The following RBFOX1 variants were observed in gnomAD, a reference collection of about 807,000 sequenced individuals.
RBFOX1 encodes the protein RNA binding protein fox-1 homolog 1.
Under a neutral mutation model 57.7 loss-of-function variants are expected in RBFOX1, and 8 were observed. The observed-to-expected ratio is 0.14, with a 90% CI of 0.08 to 0.25. The LOEUF is 0.25. RBFOX1 is among the 10% of genes least tolerant of loss of function. The probability of loss-of-function intolerance (pLI) is 1.00; values close to 1 mark genes in which losing one functional copy is unlikely to be tolerated. For synonymous variants in RBFOX1, 326 were observed against 222.4 expected, an observed-to-expected ratio of 1.47 and a Z score of -4.15; for missense variants, 611 against 548.5, an observed-to-expected ratio of 1.11 and a Z score of -1.14.
chr16:6,136,834 C>G (rs1037379797), intron 1 of RBFOX1, among the ~76,000 whole-genome samples: 2 of 152,112 alleles, frequency 1.3e-5, no homozygotes, highest in African/African-American at 2.4e-5. Flanking sequence ...TGCTGTGAAA[C>G]CCTTTGTATA....
chr16:7,285,196 A>C (rs568280903), intron 4 of RBFOX1, among the ~76,000 whole-genome samples: 143 of 144,766 alleles, frequency 9.9e-4, no homozygotes, highest in African/African-American at 3.5e-3. Context: ...ATTTTTATTG[A>C]GATAATTGCA....
chr16:6,484,290 C>T (rs918058423), intron 2 of RBFOX1, among the ~76,000 whole-genome samples: 1 of 152,148 alleles, frequency 6.6e-6, no homozygotes, highest in African/African-American at 2.4e-5. Context: ...TGCAAGGGAG[C>T]ATGTGTGTGC....
chr16:6,271,438 A>G (rs1567821036), intron 1 of RBFOX1, among the ~76,000 whole-genome samples: 1 of 152,128 alleles, frequency 6.6e-6, no homozygotes, highest in Non-Finnish European at 1.5e-5. Context: ...CAAACAAAAC[A>G]AACAGGGAAG....
chr16:6,502,056 C>G lies in RBFOX1; in HGVS notation c.-63-152547C>G, dbSNP rs144849820. 5.2e-4 allele frequency among the ~76,000 whole-genome samples: 79 copies of G among 152,288 alleles called. No individual in the cohort carries two copies. In the Middle Eastern group the frequency reaches 0.031, roughly 59 times the overall value. On this transcript the variant is annotated intron_variant, in intron 2 of 15. Transcript: ENST00000550418. ...GTCATGAGGGTATAACCCTGGTTTC[C>G]TAGTTTCCAGGGAATGGGTTGGGTC...
chr16:7,252,930 A>G (rs2094546659), intron 4 of RBFOX1, among the ~76,000 whole-genome samples: 1 of 152,162 alleles, frequency 6.6e-6, no homozygotes, highest in South Asian at 2.1e-4. Flanking sequence ...GCATGTGTGT[A>G]ATCACACACA....
chr16:7,219,921 A>G (rs180918669), intron 4 of RBFOX1, among the ~76,000 whole-genome samples: 2 of 152,366 alleles, frequency 1.3e-5, no homozygotes, highest in Non-Finnish European at 2.9e-5. Context: ...TAGAATGATC[A>G]GTAGGGTTTA....
intron 11 of RBFOX1, among the ~76,000 whole-genome samples, chr16:7,636,244 C>A (rs1266910047): frequency 6.6e-6 from 1 of 152,234 alleles, no homozygotes; most frequent in Non-Finnish European, 1.5e-5. Context: ...AGCATGCTTG[C>A]CAGCACTGCC....
chr16:6,780,531 T>C (rs2080803310), intron 3 of RBFOX1, among the ~76,000 whole-genome samples: 1 of 129,010 alleles, frequency 7.8e-6, no homozygotes, highest in Admixed American at 8.9e-5. Flanking sequence ...TATATATATT[T>C]ATATATACAT....
intron 4 of RBFOX1, among the ~76,000 whole-genome samples, chr16:7,293,205 CT>C (rs1222411756): frequency 6.6e-6 from 1 of 152,110 alleles, no homozygotes; most frequent in Non-Finnish European, 1.5e-5. Context: ...TGTGCAGACA[CT>C]TTTTTCCTTG....
Position 5,372,176 on chromosome 16 carries a change from A to G in RBFOX1, c.220-95040A>G, listed in dbSNP as rs1055304955. Among the ~76,000 whole-genome samples, 3 of 152,204 alleles carry G rather than the reference A, an allele frequency of 2.0e-5. No individual in the cohort carries two copies. The South Asian group carries it at 6.2e-4, about 32-fold the overall frequency. On this transcript the variant is annotated intron_variant, in intron 1 of 2. Transcript: ENST00000585867. ...TGAAGGGAGGTTAGGTCAATATTTG[A>G]TGGCTTAGGCGGGAGGCAGCCAAGG...
chr16:5,666,605 G>C (rs2049852703), intron 3 of RBFOX1, among the ~76,000 whole-genome samples: 1 of 152,202 alleles, frequency 6.6e-6, no homozygotes, highest in Non-Finnish European at 1.5e-5. Context: ...GACTGTGATA[G>C]AATCCACAGA....
intron 1 of RBFOX1, among the ~76,000 whole-genome samples, chr16:5,413,169 T>G (rs1362131651): frequency 6.6e-6 from 1 of 152,178 alleles, no homozygotes; most frequent in Admixed American, 6.5e-5. Flanking sequence ...GCCAAATTGC[T>G]TCATGCTCCA....
At chr16:5,315,931 A>C (rs1336265946) in intron 1 of RBFOX1, among the ~76,000 whole-genome samples, 1 of 152,138 alleles carries the variant, frequency 6.6e-6, no homozygotes, top group Non-Finnish European at 1.5e-5. Context: ...GTCACCTGGT[A>C]GCGCATAAGA....
At chr16:7,705,778 G>A (rs568895849) in intron 14 of RBFOX1, among the ~76,000 whole-genome samples, 2 of 152,300 alleles carry the variant, frequency 1.3e-5, no homozygotes, top group East Asian at 3.9e-4. Context: ...ATTTATGGCT[G>A]TTGAGTTGGT....
At chr16:6,226,184 C>T (rs1598543105) in intron 1 of RBFOX1, among the ~76,000 whole-genome samples, 1 of 143,736 alleles carries the variant, frequency 7.0e-6, no homozygotes, top group Admixed American at 7.3e-5. Flanking sequence ...ATGGTGAAAC[C>T]CAGTCTGTAC....
chr16:5,404,651 T>A (rs1039026298), intron 1 of RBFOX1, among the ~76,000 whole-genome samples: 2 of 152,208 alleles, frequency 1.3e-5, no homozygotes, highest in Non-Finnish European at 2.9e-5. Flanking sequence ...CCTGAACCCC[T>A]ATTCTGTGCA....
chr16:6,825,822 G>C (rs904569399), intron 3 of RBFOX1, among the ~76,000 whole-genome samples: 2 of 152,196 alleles, frequency 1.3e-5, no homozygotes, highest in African/African-American at 4.8e-5. Flanking sequence ...ATCCTGCACA[G>C]GAACTTGCAT....
intron 3 of RBFOX1, among the ~76,000 whole-genome samples, chr16:6,880,002 A>G (rs1256280538): frequency 6.6e-6 from 1 of 152,150 alleles, no homozygotes; most frequent in Non-Finnish European, 1.5e-5. Context: ...AAATAGTCTT[A>G]ATCTTTCATA....
At chr16:5,979,850 G>C (rs1014320966) in intron 4 of RBFOX1, among the ~76,000 whole-genome samples, 2 of 152,214 alleles carry the variant, frequency 1.3e-5, no homozygotes, top group African/African-American at 2.4e-5. Context: ...AACAGAGTGA[G>C]ACTCTGACTC....
Sources: gnomAD v4.1 joint callset for allele counts (sites outside exome capture counted in the v4.1 genomes callset) on GRCh38, gnomAD v4.1.1 for gene constraint, MANE v1.5 for transcripts, NCBI Gene and HGNC (gene_info 2026-07-23, HGNC 2026-07-21) for gene names.